BMPR2: variants seen among roughly 807,000 people sequenced by gnomAD.
BMPR2 encodes the protein bone morphogenetic protein receptor type 2, also known as bone morphogenetic protein receptor type-2.
Under a neutral mutation model 100.8 loss-of-function variants are expected in BMPR2, and 29 were observed. The observed-to-expected ratio is 0.29, with a 90% CI of 0.21 to 0.39. BMPR2 has a LOEUF of 0.39. Ranked by LOEUF, BMPR2 falls within the 10% of genes least tolerant of loss-of-function variation. The probability of loss-of-function intolerance (pLI) is 1.00; values close to 1 mark genes in which losing one functional copy is unlikely to be tolerated. For synonymous variants in BMPR2, 382 were observed against 442.3 expected (o/e 0.86, Z 1.71); for missense variants, 1,011 against 1,274.5 (o/e 0.79, Z 3.15).
chr2:202,424,123 C>T (rs1028414677), intron 1 of BMPR2, among the ~76,000 whole-genome samples: 70 of 150,988 alleles, frequency 4.6e-4, no homozygotes, highest in African/African-American at 1.4e-3. Flanking sequence ...CCTGTGATCC[C>T]AGCACTTTGA....
At chr2:202,378,431 G>A (rs1690201510) in intron 1 of BMPR2, among the ~76,000 whole-genome samples, 1 of 152,138 alleles carries the variant, frequency 6.6e-6, no homozygotes, top group African/African-American at 2.4e-5. Flanking sequence ...ATGGGCAAAT[G>A]GATTGTGCTT....
At chr2:202,386,455 T>A (rs1385543441) in intron 1 of BMPR2, among the ~76,000 whole-genome samples, 1 of 152,142 alleles carries the variant, frequency 6.6e-6, no homozygotes, top group Non-Finnish European at 1.5e-5. Context: ...CTTCTCTTTC[T>A]TTTTTTCACA....
intron 1 of BMPR2, among the ~76,000 whole-genome samples, chr2:202,393,884 A>AGAGAGAGAGC (rs1553494893): frequency 3.6e-5 from 1 of 27,442 alleles, no homozygotes; most frequent in Non-Finnish European, 8.1e-5. Context: ...TGAGAGAGCG[A>AGAGAGAGAGC]GAGAGAGAGA....
intron 3 of BMPR2, among the ~76,000 whole-genome samples, chr2:202,473,784 C>T (rs539994780): frequency 6.7e-6 from 1 of 148,660 alleles, no homozygotes; most frequent in African/African-American, 2.5e-5. Flanking sequence ...GAGTGAGACA[C>T]TGTCTCAAAA....
chr2:202,499,703 A>G (rs1051874442), intron 3 of BMPR2, among the ~76,000 whole-genome samples: 1 of 152,226 alleles, frequency 6.6e-6, no homozygotes, highest in Non-Finnish European at 1.5e-5. Context: ...TACCAGGAGA[A>G]AGCTCCAAAA....
Position 202,377,354 on chromosome 2 carries a change from T to C in BMPR2, c.-121T>C. The C allele has an allele frequency of 2.1e-6, 2 of 945,112 alleles. No homozygotes were observed. Among genetic ancestry groups the C allele is most frequent in the Non-Finnish European group, 3.5e-6 (2 of 570,910 alleles). The allele number at this position is 945,112 out of a possible 1,614,324, so 58.5% of individuals were successfully genotyped here. A position where few individuals can be genotyped will look rare whatever the true frequency, so the allele number is the denominator to read the frequency against. On this transcript the variant is annotated 5_prime_UTR_variant, in exon 1 of 13. Transcript: ENST00000374580. ...TCATCAGCCATTTGTCCTTTCAAAC[T>C]GTATTGTGATACGGGCAGGATCAGT...
rs1574481145 is a variant in BMPR2, at chr2:202,503,006, C to T, written c.419-10713C>T. Among the ~76,000 whole-genome samples the T allele has an allele frequency of 2.0e-5, 3 of 152,208 alleles. No individual in the cohort carries two copies. The highest frequency in any genetic ancestry group is 2.9e-5 in the Non-Finnish European group (2 of 68,038). The stretch of plus-strand genomic sequence containing the variant: ...ACAGATGGTCTTACAAATGGAACCC[C>T]AAATGAGTTCAACTAACAACTTCTA... On this transcript the variant is annotated intron_variant, in intron 3 of 12. Coordinates refer to ENST00000374580, the MANE Select transcript of BMPR2 (RefSeq NM_001204.7). The surrounding 1 kb of genome is among the most constrained non-coding windows in gnomAD (Gnocchi z 4.0).
At chr2:202,476,399 G>A (rs544113813) in intron 3 of BMPR2, among the ~76,000 whole-genome samples, 2 of 152,068 alleles carry the variant, frequency 1.3e-5, no homozygotes, top group Non-Finnish European at 2.9e-5. Context: ...AGATACAGAC[G>A]TACTATAATA....
chr2:202,463,861 CAG>C lies in BMPR2; in HGVS notation c.77-946_77-945del, dbSNP rs558271755. On this transcript the variant is annotated intron_variant, in intron 1 of 12. Coordinates refer to ENST00000374580, the MANE Select transcript of BMPR2 (RefSeq NM_001204.7). ...GTTATTATATTGATAATTTGAATAACAGAAAGTAATTTTTTTGGTCGTGCATG... is the reference window on the plus strand; with the variant it reads ...GTTATTATATTGATAATTTGAATAACAAAGTAATTTTTTTGGTCGTGCATG... 4.3e-4 allele frequency among the ~76,000 whole-genome samples: 66 copies of C among 152,178 alleles called. 1 individual carries two copies. In the East Asian group the frequency reaches 0.012, roughly 27 times the overall value.
intron 1 of BMPR2, among the ~76,000 whole-genome samples, chr2:202,425,919 TTG>T (rs1308812165): frequency 6.6e-6 from 1 of 152,104 alleles, no homozygotes; most frequent in African/African-American, 2.4e-5. Context: ...AGTAAGATAT[TTG>T]TAACATATGT....
chr2:202,391,029 G>A (rs1156527142), intron 1 of BMPR2, among the ~76,000 whole-genome samples: 2 of 83,588 alleles, frequency 2.4e-5, no homozygotes, highest in African/African-American at 9.5e-5. Flanking sequence ...TTTCACTCTT[G>A]TTGCCCAGGC....
chr2:202,446,649 CACAT>C (rs1167528978), intron 1 of BMPR2, among the ~76,000 whole-genome samples: 5 of 147,142 alleles, frequency 3.4e-5, no homozygotes, highest in Non-Finnish European at 5.9e-5. Context: ...TGCACACACT[CACAT>C]ACATTTTTTT....
intron 3 of BMPR2, among the ~76,000 whole-genome samples, chr2:202,506,011 A>G (rs926438230): frequency 6.6e-6 from 1 of 152,142 alleles, no homozygotes; most frequent in Admixed American, 6.6e-5. Flanking sequence ...ACTTAGTTCT[A>G]GAGTCTGGGA....
At chr2:202,484,790 C>A (rs1692737744) in intron 3 of BMPR2, among the ~76,000 whole-genome samples, 2 of 150,998 alleles carry the variant, frequency 1.3e-5, no homozygotes, top group Admixed American at 1.3e-4. Flanking sequence ...CACGGTGAAA[C>A]CCCGTCTCTA....
chr2:202,514,811 G>A (rs1687683926), intron 4 of BMPR2, 77 bp from the exon 5 acceptor site: 2 of 1,160,286 alleles, frequency 1.7e-6, no homozygotes, highest in Admixed American at 3.7e-5. Flanking sequence ...CTTTTTAAGT[G>A]TAATATTATA....
At chr2:202,432,842 G>A (rs1691534899) in intron 1 of BMPR2, among the ~76,000 whole-genome samples, 1 of 150,454 alleles carries the variant, frequency 6.6e-6, no homozygotes, top group Admixed American at 6.6e-5. Context: ...ATAAATCAAA[G>A]GCAGCAGAAA....
chr2:202,393,893 GA>G lies in BMPR2; in HGVS notation c.76+16344del, dbSNP rs1690605412. Among the ~76,000 whole-genome samples, 3 of 89,608 alleles carry G rather than the reference GA, an allele frequency of 3.3e-5. No individual in the cohort carries two copies. In the South Asian group the frequency reaches 1.3e-3, roughly 40 times the overall value. 58.8% of individuals were successfully genotyped at this position (89,608 alleles called of 152,430 possible). On this transcript the variant is annotated intron_variant, in intron 1 of 12. Transcript: ENST00000374580. ...AGGTAATGAGAGAGCGAGAGAGAGA[GA>G]GAGAGAGAGAGAGAGAGAGAGAGAG...
intron 1 of BMPR2, among the ~76,000 whole-genome samples, chr2:202,385,740 A>G (rs1292771770): frequency 4.0e-5 from 6 of 149,490 alleles, no homozygotes; most frequent in Admixed American, 4.0e-4. Flanking sequence ...TTTTTTTTAC[A>G]TAGAATAATA....
intron 1 of BMPR2, among the ~76,000 whole-genome samples, chr2:202,401,630 AT>A (rs1284436788): frequency 1.3e-5 from 2 of 152,210 alleles, no homozygotes; most frequent in African/African-American, 4.8e-5. Flanking sequence ...ATTATATAAC[AT>A]TTTAAGTTGA....
Sources: allele counts gnomAD v4.1 joint callset (sites outside exome capture counted in the v4.1 genomes callset), GRCh38; gene constraint gnomAD v4.1.1; non-coding constraint Gnocchi (gnomAD v3.1); transcripts MANE v1.5; gene names NCBI Gene and HGNC (gene_info 2026-07-23, HGNC 2026-07-21).